The following GLB1L3 variants were observed in gnomAD, a reference collection of about 807,000 sequenced individuals.
GLB1L3 encodes beta-galactosidase-1-like protein 3.
A neutral mutation model predicts 89.5 loss-of-function variants in GLB1L3; 89 were observed. The observed-to-expected ratio is 0.99, with a 90% CI of 0.84 to 1.19. GLB1L3 has a LOEUF of 1.19. Among genes scored for constraint, GLB1L3 ranks in the 50% most tolerant of loss-of-function variants. GLB1L3 has a pLI of 0.00. For synonymous variants in GLB1L3, 314 were observed against 312.3 expected (o/e 1.01, Z -0.06); for missense variants, 812 against 813.3 (o/e 1.00, Z 0.02).
In GLB1L3 at chr11:134,289,023, C is replaced by T. The variant is rs867135569; in HGVS notation, c.729+133C>T. 6.6e-5 allele frequency: 41 copies of T among 625,494 alleles called. 1 individual carries two copies. The Middle Eastern group carries it at 2.2e-3, about 33-fold the overall frequency. The allele number at this position is 625,494 out of a possible 1,614,324, so 38.7% of individuals were successfully genotyped here. A position where few individuals can be genotyped will look rare whatever the true frequency, so the allele number is the denominator to read the frequency against. On this transcript the variant is annotated intron_variant, in intron 7 of 19. Transcript: ENST00000431683. Reference sequence around the variant, plus strand: ...AATGTTGGCCTGTGAACACGAGGTGCGGAGGGGTGCCGGCCCACTGCATAG... The same window carrying T: ...AATGTTGGCCTGTGAACACGAGGTGTGGAGGGGTGCCGGCCCACTGCATAG...
chr11:134,299,131 A>G (rs568271285), intron 9 of GLB1L3, among the ~76,000 whole-genome samples: 5 of 151,696 alleles, frequency 3.3e-5, no homozygotes, highest in South Asian at 2.1e-4. Context: ...TTCTCTTGCT[A>G]TGTTTTTGAT....
intron 8 of GLB1L3, chr11:134,292,859 T>C: frequency 1.9e-6 from 1 of 514,482 alleles, no homozygotes; most frequent in Non-Finnish European, 3.5e-6. Flanking sequence ...CCAGGAAGCC[T>C]GTGTCCCGTT....
intron 9 of GLB1L3, among the ~76,000 whole-genome samples, chr11:134,300,442 C>T (rs1243857942): frequency 6.6e-6 from 1 of 151,730 alleles, no homozygotes; most frequent in African/African-American, 2.4e-5. Flanking sequence ...ACACCATTCT[C>T]CTGCCTCAGC....
chr11:134,279,901 TTAAA>T (rs1405484920), intron 3 of GLB1L3, among the ~76,000 whole-genome samples: 2 of 152,142 alleles, frequency 1.3e-5, no homozygotes, highest in Non-Finnish European at 2.9e-5. Flanking sequence ...CTCTACTTTA[TTAAA>T]TATAGTACCT....
intron 9 of GLB1L3, among the ~76,000 whole-genome samples, chr11:134,297,279 G>C (rs1941700744): frequency 6.6e-6 from 1 of 151,880 alleles, no homozygotes; most frequent in Non-Finnish European, 1.5e-5. Context: ...ATTTAAAATG[G>C]ATTTCTTGTA....
chr11:134,294,730 T>TG (rs1304695680), intron 9 of GLB1L3, among the ~76,000 whole-genome samples: 1 of 152,228 alleles, frequency 6.6e-6, no homozygotes, highest in Non-Finnish European at 1.5e-5. Context: ...AGCGCGCTCA[T>TG]GCAGTATTTA....
upstream of GLB1L3, chr11:134,276,116 T>C (rs2443557): frequency 0.23 from 34,624 of 152,516 alleles, 4,145 homozygotes; most frequent in Middle Eastern, 0.28. Context: ...CCCGCCGCGC[T>C]CGCATCTGCT....
rs76849136 is a variant in GLB1L3, at chr11:134,277,706, T to C, written c.156T>C (p.Asn52=). Residue 52 remains asparagine, a synonymous_variant, in exon 3 of 20, where the codon AAT becomes AAC. Coordinates refer to ENST00000431683, the MANE Select transcript of GLB1L3 (RefSeq NM_001080407.3). ...GRAHPSQPRF[N]WSHLTPLELK... is the part of the protein sequence containing the mutation. ...CCTCGCCCGCCCCCTCCAGGTTTAA[T>C]TGGTCTCATCTGACCCCTCTGGAGC... 0.03 allele frequency: 47,615 copies of C among 1,607,422 alleles called. 912 individuals are homozygous for C. Among genetic ancestry groups the C allele is most frequent in the Non-Finnish European group, 0.034 (39,842 of 1,176,670 alleles).
intron 9 of GLB1L3, among the ~76,000 whole-genome samples, chr11:134,302,978 T>A (rs1942024110): frequency 6.6e-6 from 1 of 152,374 alleles, no homozygotes; most frequent in Non-Finnish European, 1.5e-5. Flanking sequence ...CTTAGTATTT[T>A]ACCTGTCCTT....
downstream of GLB1L3, among the ~76,000 whole-genome samples, chr11:134,320,663 G>C (rs1477789063): frequency 6.6e-6 from 1 of 151,526 alleles, no homozygotes; most frequent in African/African-American, 2.4e-5. Flanking sequence ...AAGATATAAT[G>C]CTTTCAGTGC....
chr11:134,310,756 A>G, intron 12 of GLB1L3, 105 bp downstream of exon 12: 1 of 824,024 alleles, frequency 1.2e-6, no homozygotes, highest in Non-Finnish European at 2.0e-6. Flanking sequence ...CAGCAGTTAC[A>G]CCAAGCTCCT....
At position 134,318,710 on chromosome 11, in the gene GLB1L3, A is replaced by G. The variant is rs575861172; in HGVS notation, c.1859A>G (p.Tyr620Cys). ...AATATTGGGCCTCAGAAAACACTGT[A>G]CCTTCCTGGAGTTTGGCTTCATCCA... ...YWNIGPQKTL[Y>C]LPGVWLHPED... Residue 620 changes from tyrosine (Y) to cysteine (C), a missense_variant, in exon 19 of 20, where the codon TAC becomes TGC. Around this residue, in one of 3 missense-constraint regions of GLB1L3, gnomAD observed 618 missense variants for 604.0 expected, o/e 1.02. Coordinates refer to ENST00000431683, the MANE Select transcript of GLB1L3 (RefSeq NM_001080407.3). 1 of 1,612,648 alleles carries G rather than the reference A, an allele frequency of 6.2e-7. No individual in the cohort carries two copies. Among genetic ancestry groups the G allele is most frequent in the Non-Finnish European group, 8.5e-7 (1 of 1,179,050 alleles).
At chr11:134,313,326 G>GA (rs1163915790) in intron 15 of GLB1L3, 70 bp from the exon 16 acceptor site, 6 of 1,246,218 alleles carry the variant, frequency 4.8e-6, no homozygotes, top group Non-Finnish European at 3.4e-6. Flanking sequence ...GGGACTCAGT[G>GA]AAAAAACGGG....
intron 7 of GLB1L3, 49 bp downstream of exon 7, chr11:134,288,939 C>A: frequency 8.0e-7 from 1 of 1,247,504 alleles, no homozygotes; most frequent in Non-Finnish European, 1.2e-6. Flanking sequence ...CCTTCCTCCT[C>A]TGTGCGTTTC....
downstream of GLB1L3, among the ~76,000 whole-genome samples, chr11:134,323,227 A>T (rs1943186721): frequency 1.3e-5 from 2 of 152,196 alleles, no homozygotes. Context: ...GGACTTTAAG[A>T]TAACAAAAAT....
chr11:134,297,131 G>A (rs1311193667), intron 9 of GLB1L3, among the ~76,000 whole-genome samples: 4 of 151,970 alleles, frequency 2.6e-5, no homozygotes, highest in Non-Finnish European at 5.9e-5. Flanking sequence ...AAGCTTGGCC[G>A]CTGTATCATT....
chr11:134,320,612 T>C (rs1489502593), downstream of GLB1L3, among the ~76,000 whole-genome samples: 1 of 152,190 alleles, frequency 6.6e-6, no homozygotes, highest in Non-Finnish European at 1.5e-5. Flanking sequence ...TCCACACGTA[T>C]GCCAGTCTTT....
intron 6 of GLB1L3, among the ~76,000 whole-genome samples, chr11:134,288,344 T>C (rs966701976): frequency 6.6e-6 from 1 of 152,044 alleles, no homozygotes; most frequent in Non-Finnish European, 1.5e-5. Flanking sequence ...TCCATGATCA[T>C]GGAGGTCAGC....
At position 134,276,738 on chromosome 11, in the gene GLB1L3, G is replaced by C. The variant is rs1464906504; in HGVS notation, c.-3G>C. 7.6e-6 allele frequency: 11 copies of C among 1,450,566 alleles called. No homozygotes were observed. The highest frequency in any genetic ancestry group is 1.0e-5 in the Non-Finnish European group (11 of 1,103,594). 89.9% of individuals were successfully genotyped at this position (1,450,566 alleles called of 1,614,324 possible). ...GGACCCTCGGCGCCTCGGCCTGGCC[G>C]CGATGAAGTCCCCGCCCCTCCTCAG... On this transcript the variant is annotated 5_prime_UTR_variant, in exon 1 of 20. Coordinates refer to ENST00000431683, the MANE Select transcript of GLB1L3 (RefSeq NM_001080407.3).
Sources: allele counts gnomAD v4.1 joint callset (sites outside exome capture counted in the v4.1 genomes callset), GRCh38; gene constraint gnomAD v4.1.1; regional missense constraint gnomAD v4.1.1; transcripts MANE v1.5; gene names NCBI Gene and HGNC (gene_info 2026-07-23, HGNC 2026-07-21).